Variants in TTC28 observed in about 807,000 individuals in gnomAD.
TTC28 encodes the protein tetratricopeptide repeat protein 28.
A neutral mutation model predicts 198.0 loss-of-function variants in TTC28; 61 were observed. The observed-to-expected ratio is 0.31, with a 90% CI of 0.25 to 0.38. The LOEUF is 0.38. Among genes scored for constraint, TTC28 ranks in the 10% least tolerant of loss-of-function variants. TTC28 has a pLI of 1.00. For synonymous variants in TTC28, 1,171 were observed against 1,297.8 expected (o/e 0.90, Z 2.10); for missense variants, 2,678 against 3,164.0 (o/e 0.85, Z 3.69).
chr22:28,433,787 T>G (rs529461466), intron 2 of TTC28, among the ~76,000 whole-genome samples: 82 of 152,316 alleles, frequency 5.4e-4, no homozygotes, highest in Middle Eastern at 3.4e-3. Flanking sequence ...TTGTGTGTGT[T>G]TGTTTGAATA....
intron 5 of TTC28, among the ~76,000 whole-genome samples, chr22:28,187,714 C>G (rs2064359): frequency 1 from 152,208 of 152,350 alleles, 76,036 homozygotes; most frequent in Middle Eastern, 1. Context: ...TGAGAGCAAT[C>G]TGGTGATTAA....
intron 1 of TTC28, among the ~76,000 whole-genome samples, chr22:28,673,365 G>A (rs1327983580): frequency 1.3e-5 from 2 of 151,664 alleles, no homozygotes; most frequent in East Asian, 1.9e-4. Flanking sequence ...CAGAGACTCC[G>A]TCTCAAAAAA....
intron 5 of TTC28, among the ~76,000 whole-genome samples, chr22:28,196,777 G>A (rs891017878): frequency 6.6e-6 from 1 of 152,160 alleles, no homozygotes; most frequent in Non-Finnish European, 1.5e-5. Flanking sequence ...AACAACAGGT[G>A]CTGGAGAGGA....
chr22:28,178,196 T>G (rs1052970274), intron 5 of TTC28, among the ~76,000 whole-genome samples: 1 of 151,856 alleles, frequency 6.6e-6, no homozygotes, highest in African/African-American at 2.4e-5. Context: ...GGCACATGCC[T>G]GTAATCCCAG....
intron 2 of TTC28, among the ~76,000 whole-genome samples, chr22:28,434,339 G>C (rs1237678977): frequency 6.6e-6 from 1 of 152,244 alleles, no homozygotes; most frequent in South Asian, 2.1e-4. Context: ...AGTACCTTCT[G>C]TTTAAGAAGG....
At position 28,089,252 on chromosome 22, in the gene TTC28, T is replaced by C. The variant is rs1196003717; in HGVS notation, c.3932+4828A>G. On this transcript the variant is annotated intron_variant, in intron 12 of 22. Coordinates refer to ENST00000397906, the MANE Select transcript of TTC28 (RefSeq NM_001145418.2). ...CAGCACTATTCACAATAGCAAAGACTTGGAACCAACCCAAATGTCCAACAA... is the reference window on the plus strand; with the variant it reads ...CAGCACTATTCACAATAGCAAAGACCTGGAACCAACCCAAATGTCCAACAA... Among the ~76,000 whole-genome samples the C allele has an allele frequency of 2.6e-5, 4 of 152,164 alleles. No individual in the cohort carries two copies. In the South Asian group the frequency reaches 8.3e-4, roughly 32 times the overall value.
rs2051146668 is a variant in TTC28, at chr22:28,629,974, T to C, written c.103-144A>G. 6 of 693,672 alleles carry C rather than the reference T, an allele frequency of 8.6e-6. No individual in the cohort carries two copies. In the East Asian group the frequency reaches 1.6e-4, roughly 19 times the overall value. The allele number at this position is 693,672 out of a possible 1,614,324, so 43.0% of individuals were successfully genotyped here. On this transcript the variant is annotated intron_variant, in intron 1 of 22. Transcript: ENST00000397906. ...GAGGTGGGGCCTAATGGGAGGTGTT[T>C]AGGTCATAGGAGTAAATCCCTCATG...
intron 12 of TTC28, among the ~76,000 whole-genome samples, chr22:28,076,016 T>C (rs1941155102): frequency 6.6e-6 from 1 of 152,222 alleles, no homozygotes; most frequent in African/African-American, 2.4e-5. Context: ...CATAAAATAT[T>C]TTCAAAATGG....
At chr22:28,384,543 C>T (rs2046545161) in intron 2 of TTC28, among the ~76,000 whole-genome samples, 2 of 152,224 alleles carry the variant, frequency 1.3e-5, no homozygotes, top group African/African-American at 4.8e-5. Context: ...CAACAAGTCC[C>T]TATTGCCTAA....
At position 27,982,861 on chromosome 22, in the gene TTC28, C is replaced by T. The variant is rs745766686; in HGVS notation, c.6806G>A (p.Arg2269Gln). 4.8e-5 allele frequency: 74 copies of T among 1,546,154 alleles called. No individual in the cohort carries two copies. Among genetic ancestry groups the T allele is most frequent in the African/African-American group, 1.5e-4 (11 of 72,888 alleles). Residue 2269 changes from arginine (R) to glutamine (Q), a missense_variant, in exon 23 of 23, where the codon CGG becomes CAG. Physicochemically the swap from Arg to Gln is conservative, Grantham distance 43 (BLOSUM62 1). Coordinates refer to ENST00000397906, the MANE Select transcript of TTC28 (RefSeq NM_001145418.2). The surrounding 1 kb of genome is among the most constrained non-coding windows in gnomAD (Gnocchi z 5.2). Reference protein sequence around the residue: ...IKDSPSQHSGRPSPGCDSQTS... With the variant: ...IKDSPSQHSGQPSPGCDSQTS... ...CTGTGAGTCGCAGCCGGGCGATGGC[C>T]GGCCACTGTGCTGGCTCGGGCTGTC...
chr22:28,636,928 A>C (rs1339743471), intron 1 of TTC28, among the ~76,000 whole-genome samples: 2 of 151,886 alleles, frequency 1.3e-5, no homozygotes, highest in Non-Finnish European at 2.9e-5. Context: ...ACATCCAAAA[A>C]ATCATTGCCA....
At chr22:28,196,280 A>G (rs1045904373) in intron 5 of TTC28, among the ~76,000 whole-genome samples, 1 of 152,172 alleles carries the variant, frequency 6.6e-6, no homozygotes, top group African/African-American at 2.4e-5. Context: ...TTATACAAAA[A>G]TTAATTCAAG....
At chr22:28,679,226 G>C (rs1407395100) in intron 1 of TTC28, among the ~76,000 whole-genome samples, 4 of 152,138 alleles carry the variant, frequency 2.6e-5, no homozygotes, top group Admixed American at 2.6e-4. Flanking sequence ...TGAGCATCCC[G>C]GGCTGCGCCG....
At chr22:28,439,289 C>T (rs2047576076) in intron 2 of TTC28, among the ~76,000 whole-genome samples, 1 of 152,138 alleles carries the variant, frequency 6.6e-6, no homozygotes, top group South Asian at 2.1e-4. Flanking sequence ...GAGGCACAGA[C>T]TCTAAATGCT....
rs150117325 is a variant in TTC28 at position 28,021,425 on chromosome 22, T to C, written c.4074-7033A>G. Among the ~76,000 whole-genome samples the C allele has an allele frequency of 6.5e-3, 983 of 152,174 alleles. 5 individuals are homozygous for C. Among genetic ancestry groups the C allele is most frequent in the Non-Finnish European group, 9.4e-3 (642 of 67,984 alleles). Reference sequence around the variant, plus strand: ...GGAAGGGTACCACCTGAGGAACGCATGAAGGGGCGACCTGAGGGAAGGCTT... The same window carrying C: ...GGAAGGGTACCACCTGAGGAACGCACGAAGGGGCGACCTGAGGGAAGGCTT... On this transcript the variant is annotated intron_variant, in intron 13 of 22. Coordinates refer to ENST00000397906, the MANE Select transcript of TTC28 (RefSeq NM_001145418.2).
chr22:28,148,399 G>A (rs1943523144), intron 6 of TTC28, among the ~76,000 whole-genome samples: 1 of 152,180 alleles, frequency 6.6e-6, no homozygotes. Flanking sequence ...AGATCACGAA[G>A]TCAGGAGATC....
At chr22:28,648,761 T>C (rs2051519728) in intron 1 of TTC28, among the ~76,000 whole-genome samples, 1 of 152,002 alleles carries the variant, frequency 6.6e-6, no homozygotes, top group Admixed American at 6.5e-5. Context: ...ATACAAAAAT[T>C]AGCTGGGCGT....
rs1941969325 is a variant in TTC28, at chr22:28,096,291, A to G, written c.3665T>C (p.Ile1222Thr). 1 of 1,551,790 alleles carries G rather than the reference A, an allele frequency of 6.4e-7. No homozygotes were observed. The highest frequency in any genetic ancestry group is 1.4e-5 in the African/African-American group (1 of 73,050). ...QDSDPYSPVTIDQILEMVNGQ... is the reference protein window; with the variant it reads ...QDSDPYSPVTTDQILEMVNGQ... Reference sequence around the variant, plus strand: ...ATTTACCATCTCTAAGATCTGATCAATAGTGACTGGGGAGTAGGGGTCGGA... The same window carrying G: ...ATTTACCATCTCTAAGATCTGATCAGTAGTGACTGGGGAGTAGGGGTCGGA... The change falls in exon 11 of 23, where the codon ATT becomes ACT. Residue 1222 changes from isoleucine (I) to threonine (T), a missense_variant. Physicochemically the swap from Ile to Thr is moderately conservative, Grantham distance 89. This residue lies in a region of TTC28 where 727 missense variants were observed against 861.9 expected (regional missense o/e 0.84). Transcript: ENST00000397906.
At chr22:28,394,086 C>A (rs1020571832) in intron 2 of TTC28, among the ~76,000 whole-genome samples, 12 of 152,074 alleles carry the variant, frequency 7.9e-5, no homozygotes, top group African/African-American at 2.9e-4. Context: ...ATTTTTTTTA[C>A]TCTTTTTTGT....
Sources: gnomAD v4.1 joint callset for allele counts (sites outside exome capture counted in the v4.1 genomes callset) on GRCh38, gnomAD v4.1.1 for gene constraint, gnomAD v4.1.1 regional missense constraint, Gnocchi (gnomAD v3.1) non-coding constraint, MANE v1.5 for transcripts, NCBI Gene and HGNC (gene_info 2026-07-23, HGNC 2026-07-21) for gene names.